The following FBXL20 variants were observed in gnomAD, a reference collection of about 807,000 sequenced individuals.
The protein encoded by FBXL20 is F-box and leucine rich repeat protein 20, also known as F-box/LRR-repeat protein 20.
In FBXL20, 11 loss-of-function variants were observed where a neutral mutation model predicts 64.0. The ratio of observed to expected loss-of-function variants is 0.17; its 90% CI spans 0.11 to 0.28. The LOEUF (loss-of-function observed/expected upper bound fraction) is 0.28, where lower values mean the gene tolerates loss of function less well. Among genes scored for constraint, FBXL20 ranks in the 10% least tolerant of loss-of-function variants. The pLI is 1.00. For synonymous variants in FBXL20, 184 were observed against 189.0 expected, an observed-to-expected ratio of 0.97 and a Z score of 0.22; for missense variants, 303 against 526.2, an observed-to-expected ratio of 0.58 and a Z score of 4.15.
At chr17:39,314,795 CTTTTT>C (rs59955109) in intron 2 of FBXL20, among the ~76,000 whole-genome samples, 7 of 125,960 alleles carry the variant, frequency 5.6e-5, no homozygotes, top group Admixed American at 8.6e-5. Context: ...ATATCCTTTT[CTTTTT>C]TTTTTTTTTT....
chr17:39,334,692 C>T (rs1438826931), intron 2 of FBXL20, among the ~76,000 whole-genome samples: 2 of 152,052 alleles, frequency 1.3e-5, no homozygotes, highest in Non-Finnish European at 2.9e-5. Flanking sequence ...TAATAACAGT[C>T]CTTATTCTGA....
At chr17:39,386,034 A>AAC (rs1555615168) in intron 1 of FBXL20, among the ~76,000 whole-genome samples, 2 of 149,504 alleles carry the variant, frequency 1.3e-5, no homozygotes, top group African/African-American at 5.0e-5. Context: ...CAAAAAAAAA[A>AAC]AAAAAAAAAA....
chr17:39,301,708 A>C (rs1413316824), intron 3 of FBXL20, among the ~76,000 whole-genome samples: 2 of 151,882 alleles, frequency 1.3e-5, no homozygotes, highest in Admixed American at 6.6e-5. Context: ...AGCCTGGGCG[A>C]CAGAGCGAAA....
intron 3 of FBXL20, 140 bp from the exon 4 acceptor site, chr17:39,301,215 A>G: frequency 1.5e-6 from 1 of 671,994 alleles, no homozygotes; most frequent in East Asian, 2.7e-5. Context: ...TTACTCCCAA[A>G]TGATGTGTCT....
intron 1 of FBXL20, among the ~76,000 whole-genome samples, chr17:39,371,366 T>C (rs770376266): frequency 1.3e-5 from 2 of 152,160 alleles, no homozygotes; most frequent in African/African-American, 4.8e-5. Context: ...AATTCAGCTA[T>C]CTTTTCTCTG....
chr17:39,288,985 G>A (rs2047013260), intron 6 of FBXL20, among the ~76,000 whole-genome samples: 1 of 152,280 alleles, frequency 6.6e-6, no homozygotes, highest in African/African-American at 2.4e-5. Flanking sequence ...TTACAGGCGT[G>A]AGCCACCGTG....
chr17:39,317,525 C>T (rs1346276856), intron 2 of FBXL20, among the ~76,000 whole-genome samples: 2 of 151,662 alleles, frequency 1.3e-5, no homozygotes, highest in East Asian at 1.9e-4. Context: ...CCACCGTGTC[C>T]GACCAAGGTG....
At chr17:39,349,264 CA>C (rs1237654478) in intron 1 of FBXL20, among the ~76,000 whole-genome samples, 1 of 111,914 alleles carries the variant, frequency 8.9e-6, no homozygotes, top group South Asian at 2.7e-4. Flanking sequence ...AATAAATAAG[CA>C]AATAAATAAA....
At chr17:39,333,692 G>T (rs534896085) in intron 2 of FBXL20, among the ~76,000 whole-genome samples, 2 of 152,226 alleles carry the variant, frequency 1.3e-5, no homozygotes, top group South Asian at 4.2e-4. Flanking sequence ...TCCCGTCTAG[G>T]AAGTGAGGAG....
Position 39,360,591 on chromosome 17 carries a change from C to T in FBXL20, c.43-17350G>A, listed in dbSNP as rs564023287. 2.6e-5 allele frequency among the ~76,000 whole-genome samples: 4 copies of T among 152,204 alleles called. No individual in the cohort carries two copies. In the South Asian group the frequency reaches 8.3e-4, roughly 32 times the overall value. On this transcript the variant is annotated intron_variant, in intron 1 of 14. Transcript: ENST00000264658. ...AAAAATGGAACAAGATTTTGGAAAG[C>T]AGAGTGAGGCATGATGAATACACTT...
At chr17:39,370,903 G>A (rs530346255) in intron 1 of FBXL20, among the ~76,000 whole-genome samples, 2 of 151,992 alleles carry the variant, frequency 1.3e-5, no homozygotes, top group South Asian at 2.1e-4. Context: ...CCTAGAACCT[G>A]TCTTATAGAA....
chr17:39,267,288 G>C (rs1195910781), intron 12 of FBXL20, among the ~76,000 whole-genome samples: 1 of 151,666 alleles, frequency 6.6e-6, no homozygotes, highest in Non-Finnish European at 1.5e-5. Flanking sequence ...AAAAAAAACA[G>C]TCTGAGCGGT....
chr17:39,331,628 T>C (rs1739443144), intron 2 of FBXL20, among the ~76,000 whole-genome samples: 1 of 152,212 alleles, frequency 6.6e-6, no homozygotes, highest in South Asian at 2.1e-4. Flanking sequence ...TGATTGTTTA[T>C]TTCTATCTTC....
At chr17:39,373,724 C>T (rs763073088) in intron 1 of FBXL20, among the ~76,000 whole-genome samples, 2 of 152,256 alleles carry the variant, frequency 1.3e-5, no homozygotes, top group South Asian at 2.1e-4. Flanking sequence ...TTTTGTCTAG[C>T]CTACTAGGCT....
At chr17:39,312,752 T>C (rs888089935) in intron 2 of FBXL20, among the ~76,000 whole-genome samples, 6 of 147,578 alleles carry the variant, frequency 4.1e-5, no homozygotes, top group African/African-American at 1.3e-4. Context: ...TTTTTTTTTG[T>C]ATTTTTAGTA....
At chr17:39,356,214 CA>C (rs56838813) in intron 1 of FBXL20, among the ~76,000 whole-genome samples, 14,262 of 75,838 alleles carry the variant, frequency 0.19, 403 homozygotes, top group African/African-American at 0.24. Context: ...GACTCCATCT[CA>C]AAAAAAAAAA....
chr17:39,355,855 CAAA>C (rs746086439), intron 1 of FBXL20, among the ~76,000 whole-genome samples: 1,231 of 67,578 alleles, frequency 0.018, 9 homozygotes, highest in Non-Finnish European at 0.027. Context: ...GACTTCGTCT[CAAA>C]AAAAAAAAAA....
rs534220930 is a variant in FBXL20, at chr17:39,340,538, T to C, written c.104+2642A>G. On this transcript the variant is annotated intron_variant, in intron 2 of 14. Coordinates refer to ENST00000264658, the MANE Select transcript of FBXL20 (RefSeq NM_032875.3). Reference sequence around the variant, plus strand: ...AGCCACTGTGCCCATCCAACAGTCCTGTTTCAATGTTAATTTCCTGATTTT... The same window carrying C: ...AGCCACTGTGCCCATCCAACAGTCCCGTTTCAATGTTAATTTCCTGATTTT... Among the ~76,000 whole-genome samples the C allele has an allele frequency of 2.0e-5, 3 of 152,368 alleles. No individual in the cohort carries two copies. The East Asian group carries it at 5.8e-4, about 29-fold the overall frequency.
chr17:39,387,094 C>T (rs142509930), intron 1 of FBXL20, among the ~76,000 whole-genome samples: 97 of 152,250 alleles, frequency 6.4e-4, no homozygotes, highest in African/African-American at 2.2e-3. Context: ...AATGAGTACA[C>T]GCACAACCAT....
Sources: allele counts gnomAD v4.1 joint callset (sites outside exome capture counted in the v4.1 genomes callset), GRCh38; gene constraint gnomAD v4.1.1; transcripts MANE v1.5; gene names NCBI Gene and HGNC (gene_info 2026-07-23, HGNC 2026-07-21).